Variants in ZNF385B observed in about 807,000 individuals in gnomAD.
The protein encoded by ZNF385B is zinc finger protein 533.
ZNF385B carries 23 observed loss-of-function variants against 39.2 expected under a neutral mutation model. The observed-to-expected ratio is 0.59, with a 90% CI of 0.42 to 0.83. The LOEUF (loss-of-function observed/expected upper bound fraction) is 0.83. Among genes scored for constraint, ZNF385B ranks in the 40% least tolerant of loss-of-function variants. The pLI is 0.00. For missense variants in ZNF385B, 552 were observed against 598.9 expected (o/e 0.92, Z 0.82); for synonymous variants, 205 against 222.6 (o/e 0.92, Z 0.70).
chr2:179,692,212 G>T (rs1055315224), intron 3 of ZNF385B, among the ~76,000 whole-genome samples: 1 of 152,056 alleles, frequency 6.6e-6, no homozygotes, highest in Non-Finnish European at 1.5e-5. Flanking sequence ...AGTGCTGAAG[G>T]GGTGGGTCAC....
intron 1 of ZNF385B, among the ~76,000 whole-genome samples, chr2:179,828,820 T>A (rs2106593339): frequency 6.6e-6 from 1 of 152,306 alleles, no homozygotes; most frequent in South Asian, 2.1e-4. Flanking sequence ...CTGGGCCCTG[T>A]GCCTAGAAAT....
At chr2:179,648,072 C>T (rs969053869) in intron 3 of ZNF385B, among the ~76,000 whole-genome samples, 16 of 152,064 alleles carry the variant, frequency 1.1e-4, no homozygotes, top group Non-Finnish European at 2.2e-4. Context: ...TGAAAGTATC[C>T]ACACATGGGG....
chr2:179,623,484 C>A (rs757693691), intron 3 of ZNF385B, among the ~76,000 whole-genome samples: 1 of 152,134 alleles, frequency 6.6e-6, no homozygotes, highest in Non-Finnish European at 1.5e-5. Flanking sequence ...CTTCCCTGAT[C>A]CTCCACCCCG....
intron 3 of ZNF385B, among the ~76,000 whole-genome samples, chr2:179,665,598 G>A (rs16866898): frequency 0.014 from 2,074 of 152,148 alleles, 54 homozygotes; most frequent in African/African-American, 0.047. Flanking sequence ...ACAACATCAC[G>A]CTGTATAATC....
rs3828332 is a variant in ZNF385B at position 179,445,035 on chromosome 2, G to A, written c.1141-58C>T. The stretch of plus-strand genomic sequence containing the variant: ...ATGTGAGTCTTATTCCATGTAAAAC[G>A]TATTTCTAGGTAGCTATTTTCTCCA... On this transcript the variant is annotated intron_variant, in intron 8 of 9. Coordinates refer to ENST00000410066, the MANE Select transcript of ZNF385B (RefSeq NM_152520.6). 2,683 of 1,440,882 alleles carry A rather than the reference G, an allele frequency of 1.9e-3. 70 individuals are homozygous for A. The East Asian group carries it at 0.048, about 26-fold the overall frequency. 89.3% of individuals were successfully genotyped at this position (1,440,882 alleles called of 1,614,324 possible). A position where few individuals can be genotyped will look rare whatever the true frequency, so the allele number is the denominator to read the frequency against.
At chr2:179,701,943 C>A (rs1048915522) in intron 3 of ZNF385B, among the ~76,000 whole-genome samples, 1 of 152,166 alleles carries the variant, frequency 6.6e-6, no homozygotes, top group Non-Finnish European at 1.5e-5. Context: ...CATCCTAAGC[C>A]TCCCAGAGAT....
chr2:179,590,944 T>A (rs932223103), intron 3 of ZNF385B, among the ~76,000 whole-genome samples: 2 of 152,162 alleles, frequency 1.3e-5, no homozygotes, highest in Non-Finnish European at 2.9e-5. Flanking sequence ...TATAGCAGTA[T>A]GAAAATGAAC....
chr2:179,524,297 A>C (rs866392986), intron 4 of ZNF385B, among the ~76,000 whole-genome samples: 1 of 152,030 alleles, frequency 6.6e-6, no homozygotes, highest in African/African-American at 2.4e-5. Flanking sequence ...TGACGCCTGC[A>C]ATCCCAGCAC....
chr2:179,547,837 C>T (rs1455468611), intron 3 of ZNF385B, among the ~76,000 whole-genome samples: 1 of 149,516 alleles, frequency 6.7e-6, no homozygotes. Flanking sequence ...AATATTGATT[C>T]TTCCAATCCA....
intron 6 of ZNF385B, among the ~76,000 whole-genome samples, chr2:179,459,482 G>A (rs1295828380): frequency 6.6e-6 from 1 of 151,938 alleles, no homozygotes; most frequent in African/African-American, 2.4e-5. Context: ...TACTGATTGA[G>A]CACCTATTAT....
chr2:179,590,589 G>A (rs2106069249), intron 3 of ZNF385B, among the ~76,000 whole-genome samples: 1 of 152,248 alleles, frequency 6.6e-6, no homozygotes, highest in South Asian at 2.1e-4. Flanking sequence ...TGAGATAAAT[G>A]TTTTTACCTG....
chr2:179,604,283 T>C (rs556686970), intron 3 of ZNF385B, among the ~76,000 whole-genome samples: 1 of 151,732 alleles, frequency 6.6e-6, no homozygotes, highest in South Asian at 2.1e-4. Flanking sequence ...AAAACAAAAA[T>C]AAAAAACTTT....
At chr2:179,764,659 T>C (rs928529732) in intron 3 of ZNF385B, among the ~76,000 whole-genome samples, 3 of 152,220 alleles carry the variant, frequency 2.0e-5, no homozygotes, top group African/African-American at 7.2e-5. Flanking sequence ...ACATGTGACT[T>C]ATGGCAGACA....
chr2:179,675,587 T>G (rs1231659245), intron 3 of ZNF385B, among the ~76,000 whole-genome samples: 1 of 151,040 alleles, frequency 6.6e-6, no homozygotes, highest in African/African-American at 2.4e-5. Context: ...AACTGAAGAG[T>G]GAGTGTGAGT....
intron 1 of ZNF385B, among the ~76,000 whole-genome samples, chr2:179,813,208 T>C (rs1258296263): frequency 6.6e-6 from 1 of 152,200 alleles, no homozygotes; most frequent in Non-Finnish European, 1.5e-5. Flanking sequence ...TTAGTCTACT[T>C]GAAATTTATT....
intron 1 of ZNF385B, among the ~76,000 whole-genome samples, chr2:179,812,828 T>G (rs931484478): frequency 6.6e-6 from 1 of 152,226 alleles, no homozygotes; most frequent in Admixed American, 6.5e-5. Context: ...CTAGTAAAGT[T>G]TGATTTTTTA....
chr2:179,855,962 G>GA (rs1363245698), intron 1 of ZNF385B, among the ~76,000 whole-genome samples: 7 of 152,150 alleles, frequency 4.6e-5, no homozygotes, highest in Non-Finnish European at 8.8e-5. Flanking sequence ...GTTTGACTTG[G>GA]AAAAACACTG....
At chr2:179,690,200 A>G (rs1698249773) in intron 3 of ZNF385B, among the ~76,000 whole-genome samples, 2 of 152,162 alleles carry the variant, frequency 1.3e-5, no homozygotes, top group South Asian at 4.1e-4. Flanking sequence ...TCGCCTTCCT[A>G]GAGATGACAG....
At chr2:179,837,608 G>A (rs992709522) in intron 1 of ZNF385B, among the ~76,000 whole-genome samples, 4 of 152,140 alleles carry the variant, frequency 2.6e-5, no homozygotes, top group African/African-American at 9.7e-5. Flanking sequence ...GACTCACCGT[G>A]GTTTTCCCTC....
Sources: allele counts gnomAD v4.1 joint callset (sites outside exome capture counted in the v4.1 genomes callset), GRCh38; gene constraint gnomAD v4.1.1; transcripts MANE v1.5; gene names NCBI Gene and HGNC (gene_info 2026-07-23, HGNC 2026-07-21).